Variants in PHF21B observed in about 807,000 individuals in gnomAD.
The protein encoded by PHF21B is PHD finger protein 21B.
In PHF21B, 22 loss-of-function variants were observed where a neutral mutation model predicts 62.2. That is an observed-to-expected ratio of 0.35 (90% CI 0.25 to 0.51). The LOEUF (loss-of-function observed/expected upper bound fraction) is 0.51, where lower values mean the gene tolerates loss of function less well. Ranked by LOEUF, PHF21B falls within the 20% of genes least tolerant of loss-of-function variation. PHF21B has a pLI of 0.97. For missense variants in PHF21B, 701 were observed against 707.9 expected, an observed-to-expected ratio of 0.99 and a Z score of 0.11; for synonymous variants, 341 against 314.7, an observed-to-expected ratio of 1.08 and a Z score of -0.88.
intron 1 of PHF21B, chr22:45,008,921 T>C: frequency 2.7e-6 from 3 of 1,124,040 alleles, no homozygotes; most frequent in Non-Finnish European, 3.3e-6. Flanking sequence ...AGTGTGAGTG[T>C]GTGCCGGGGG....
intron 2 of PHF21B, among the ~76,000 whole-genome samples, chr22:44,926,515 C>T (rs1190275695): frequency 1.3e-5 from 2 of 152,038 alleles, no homozygotes; most frequent in Admixed American, 6.5e-5. Flanking sequence ...CCAGGCAAGG[C>T]GGGTGTGTGC....
At chr22:44,934,522 G>A (rs984720322) in intron 2 of PHF21B, among the ~76,000 whole-genome samples, 3 of 152,176 alleles carry the variant, frequency 2.0e-5, no homozygotes, top group African/African-American at 7.2e-5. Flanking sequence ...CAGGAACAGA[G>A]CCCTCCCCTG....
At chr22:44,965,166 C>G (rs996992352) in intron 2 of PHF21B, among the ~76,000 whole-genome samples, 2 of 152,120 alleles carry the variant, frequency 1.3e-5, no homozygotes, top group African/African-American at 4.8e-5. Flanking sequence ...CTGGACCATC[C>G]CCCTGTGCCA....
chr22:44,926,481 C>T (rs1320255239), intron 2 of PHF21B, among the ~76,000 whole-genome samples: 3 of 152,228 alleles, frequency 2.0e-5, no homozygotes, highest in African/African-American at 4.8e-5. Context: ...TGGGCCAGCC[C>T]GTGAGGAGGT....
chr22:44,955,951 C>A (rs547525426), intron 2 of PHF21B, among the ~76,000 whole-genome samples: 1 of 152,352 alleles, frequency 6.6e-6, no homozygotes, highest in Admixed American at 6.5e-5. Flanking sequence ...TGAGGGCACG[C>A]ACTTCCCTGG....
intron 2 of PHF21B, among the ~76,000 whole-genome samples, chr22:44,935,718 C>A (rs2071833277): frequency 6.6e-6 from 1 of 152,186 alleles, no homozygotes; most frequent in African/African-American, 2.4e-5. Context: ...GGCAACAGGG[C>A]CTTCTGCAGC....
At chr22:44,970,950 C>T (rs2072625340) in intron 2 of PHF21B, 1 of 152,220 alleles carries the variant, frequency 6.6e-6, no homozygotes, top group South Asian at 2.1e-4. Flanking sequence ...CTCCTAAGGT[C>T]TGGCCAGGAT....
chr22:44,899,317 C>A (rs2071116510), intron 5 of PHF21B, among the ~76,000 whole-genome samples: 1 of 116,180 alleles, frequency 8.6e-6, no homozygotes, highest in South Asian at 2.7e-4. Flanking sequence ...TGAGACGGAG[C>A]TTCGCTCTTG....
At chr22:44,934,813 C>T (rs1186389340) in intron 2 of PHF21B, among the ~76,000 whole-genome samples, 5 of 152,236 alleles carry the variant, frequency 3.3e-5, no homozygotes, top group African/African-American at 7.2e-5. Flanking sequence ...ATGGCCACAT[C>T]GCCTGTCCCT....
intron 2 of PHF21B, chr22:45,000,635 GT>G (rs973600402): frequency 6.6e-6 from 1 of 152,194 alleles, no homozygotes; most frequent in Admixed American, 6.5e-5. Flanking sequence ...GACAGCAGGT[GT>G]TTTAAGACTC....
intron 2 of PHF21B, among the ~76,000 whole-genome samples, chr22:44,940,900 TGTG>T (rs1279664312): frequency 6.6e-6 from 1 of 152,206 alleles, no homozygotes; most frequent in East Asian, 1.9e-4. Flanking sequence ...GGGGTGGGGC[TGTG>T]GAGGTGAGTG....
At chr22:44,947,470 A>C (rs760968978) in intron 2 of PHF21B, among the ~76,000 whole-genome samples, 19 of 152,190 alleles carry the variant, frequency 1.2e-4, no homozygotes, top group Non-Finnish European at 2.4e-4. Flanking sequence ...AGAACCTCTC[A>C]GCCACGCAGC....
intron 5 of PHF21B, among the ~76,000 whole-genome samples, chr22:44,904,091 T>A (rs73178243): frequency 0.035 from 5,310 of 152,334 alleles, 140 homozygotes; most frequent in Non-Finnish European, 0.053. Context: ...TACATTTTTT[T>A]CACTGATTAG....
chr22:44,972,120 G>A (rs993152807), intron 2 of PHF21B, among the ~76,000 whole-genome samples: 1 of 152,220 alleles, frequency 6.6e-6, no homozygotes, highest in Non-Finnish European at 1.5e-5. Flanking sequence ...TGGGTCTTGG[G>A]GGAGCCCTCA....
chr22:44,979,161 T>G (rs2072791871), intron 2 of PHF21B, among the ~76,000 whole-genome samples: 1 of 152,236 alleles, frequency 6.6e-6, no homozygotes, highest in African/African-American at 2.4e-5. Flanking sequence ...GCACCCACAG[T>G]GCTTGGCAGA....
In PHF21B at chr22:44,965,025, G is replaced by A. The variant is rs991553423; in HGVS notation, c.120+43520C>T. Reference sequence around the variant, plus strand: ...GGGCAGGGGCATCTCAGGGGCTCACGTCCTTTCCCTCCCCTGTGATATGGG... The same window carrying A: ...GGGCAGGGGCATCTCAGGGGCTCACATCCTTTCCCTCCCCTGTGATATGGG... On this transcript the variant is annotated intron_variant, in intron 2 of 12. Coordinates refer to ENST00000313237, the MANE Select transcript of PHF21B (RefSeq NM_138415.5). Among the ~76,000 whole-genome samples the A allele has an allele frequency of 4.6e-5, 7 of 152,278 alleles. No individual in the cohort carries two copies. The East Asian group carries it at 5.8e-4, about 13-fold the overall frequency.
chr22:44,961,845 A>AAAAT (rs142030912), intron 2 of PHF21B, among the ~76,000 whole-genome samples: 12,922 of 144,170 alleles, frequency 0.09, 806 homozygotes, highest in East Asian at 0.27. Context: ...ACTCTGTCTC[A>AAAAT]AAATAAATAA....
intron 2 of PHF21B, among the ~76,000 whole-genome samples, chr22:44,923,717 C>A (rs1247692261): frequency 6.6e-6 from 1 of 152,066 alleles, no homozygotes; most frequent in Non-Finnish European, 1.5e-5. Flanking sequence ...ACAGATACTC[C>A]ACTAAAGAAG....
intron 2 of PHF21B, among the ~76,000 whole-genome samples, chr22:44,982,390 C>T (rs1241850815): frequency 6.6e-6 from 1 of 152,214 alleles, no homozygotes; most frequent in African/African-American, 2.4e-5. Context: ...CTACGTGCAA[C>T]CCTGGGGAGC....
Sources: allele counts gnomAD v4.1 joint callset (sites outside exome capture counted in the v4.1 genomes callset), GRCh38; gene constraint gnomAD v4.1.1; transcripts MANE v1.5; gene names NCBI Gene and HGNC (gene_info 2026-07-23, HGNC 2026-07-21).